Variants in FHOD3 observed in about 807,000 individuals in gnomAD.
The protein encoded by FHOD3 is FH1/FH2 domain-containing protein 3.
FHOD3 carries 90 observed loss-of-function variants against 173.0 expected under a neutral mutation model. The ratio of observed to expected loss-of-function variants is 0.52; its 90% CI spans 0.44 to 0.62. The LOEUF is 0.62. Ranked by LOEUF, FHOD3 falls within the 20% of genes least tolerant of loss-of-function variation. FHOD3 has a pLI of 0.00. For synonymous variants in FHOD3, 828 were observed against 823.0 expected (o/e 1.01, Z -0.10); for missense variants, 1,945 against 2,034.7 (o/e 0.96, Z 0.85).
At chr18:36,450,104 T>C (rs2051737384) in intron 3 of FHOD3, among the ~76,000 whole-genome samples, 1 of 152,186 alleles carries the variant, frequency 6.6e-6, no homozygotes, top group African/African-American at 2.4e-5. Context: ...CCAAAGTCCA[T>C]TGTATCATTC....
chr18:36,385,883 T>A (rs2048006918), intron 3 of FHOD3, among the ~76,000 whole-genome samples: 1 of 152,198 alleles, frequency 6.6e-6, no homozygotes, highest in South Asian at 2.1e-4. Context: ...AAGGGGCTGT[T>A]GGCATGGAGG....
intron 3 of FHOD3, among the ~76,000 whole-genome samples, chr18:36,483,919 G>A (rs967044889): frequency 2.6e-5 from 4 of 152,162 alleles, no homozygotes; most frequent in East Asian, 1.9e-4. Context: ...TACATGCCCC[G>A]AGGTCAGTGG....
At chr18:36,586,363 A>G (rs540145577) in intron 6 of FHOD3, among the ~76,000 whole-genome samples, 2 of 152,330 alleles carry the variant, frequency 1.3e-5, no homozygotes, top group East Asian at 3.9e-4. Context: ...AAAAGTACCC[A>G]ATCTTGTTGA....
intron 5 of FHOD3, among the ~76,000 whole-genome samples, chr18:36,541,269 AAAAG>A (rs1395081128): frequency 1.4e-4 from 20 of 146,740 alleles, no homozygotes; most frequent in Non-Finnish European, 1.7e-4. Context: ...AAAAAAAAAA[AAAAG>A]AAAGAAAAAA....
intron 5 of FHOD3, among the ~76,000 whole-genome samples, chr18:36,518,444 TC>T (rs1338188674): frequency 3.9e-5 from 6 of 152,162 alleles, no homozygotes; most frequent in African/African-American, 1.4e-4. Flanking sequence ...TGTCTTCAGC[TC>T]CAGGTGGGTT....
At chr18:36,355,053 A>T (rs1054566710) in intron 1 of FHOD3, among the ~76,000 whole-genome samples, 1 of 152,186 alleles carries the variant, frequency 6.6e-6, no homozygotes, top group Non-Finnish European at 1.5e-5. Context: ...TTGTAAAAAT[A>T]CTTTATTGAG....
At chr18:36,336,244 T>A (rs1458634623) in intron 1 of FHOD3, among the ~76,000 whole-genome samples, 2 of 152,204 alleles carry the variant, frequency 1.3e-5, no homozygotes, top group Non-Finnish European at 2.9e-5. Flanking sequence ...TCACCTTGAA[T>A]GCTGAACCGG....
rs2046328991 is a variant in FHOD3, at chr18:36,355,740, CT to C, written c.272+98del. On this transcript the variant is annotated intron_variant, in intron 2 of 28. Coordinates refer to ENST00000590592, the MANE Select transcript of FHOD3 (RefSeq NM_001281740.3). The stretch of plus-strand genomic sequence containing the variant: ...AAGTATTTAGGAGGAACTACCATGG[CT>C]TTGACCTTCTCTTAATTCTCAATCA... 5 of 953,258 alleles carry C rather than the reference CT, an allele frequency of 5.2e-6. No individual in the cohort carries two copies. In the South Asian group the frequency reaches 7.6e-5, roughly 14 times the overall value. The allele number at this position is 953,258 out of a possible 1,614,324, so 59.0% of individuals were successfully genotyped here.
intron 3 of FHOD3, among the ~76,000 whole-genome samples, chr18:36,444,109 C>T (rs1008458240): frequency 6.9e-6 from 1 of 144,084 alleles, no homozygotes; most frequent in Admixed American, 7.4e-5. Flanking sequence ...AGGAGAATGG[C>T]GTGAACCCGG....
intron 11 of FHOD3, among the ~76,000 whole-genome samples, chr18:36,651,915 C>T (rs2036080543): frequency 6.6e-6 from 1 of 152,184 alleles, no homozygotes; most frequent in African/African-American, 2.4e-5. Context: ...AGAATCAGGC[C>T]TGTCTGAAGG....
chr18:36,527,103 C>G (rs969901157), intron 5 of FHOD3, among the ~76,000 whole-genome samples: 3 of 152,150 alleles, frequency 2.0e-5, no homozygotes, highest in African/African-American at 7.2e-5. Context: ...GAACACTGGC[C>G]GGCTGGCTGT....
chr18:36,708,946 G>A (rs532250677), intron 17 of FHOD3, 149 bp from the exon 18 acceptor site: 720 of 952,114 alleles, frequency 7.6e-4, no homozygotes, highest in Non-Finnish European at 1.0e-3. Flanking sequence ...GCCTCGATGA[G>A]TGTTTGAATA....
At chr18:36,429,440 AT>A (rs2050415724) in intron 3 of FHOD3, among the ~76,000 whole-genome samples, 1 of 152,180 alleles carries the variant, frequency 6.6e-6, no homozygotes, top group Non-Finnish European at 1.5e-5. Flanking sequence ...GGGTGGGGGC[AT>A]GTGGGACTTT....
chr18:36,566,492 C>A (rs1177130748), intron 5 of FHOD3, among the ~76,000 whole-genome samples: 1 of 152,100 alleles, frequency 6.6e-6, no homozygotes, highest in East Asian at 1.9e-4. Context: ...ATGGTCTGGG[C>A]AGGAAGCTGA....
chr18:36,606,995 C>T lies in FHOD3; in HGVS notation c.813+4227C>T, dbSNP rs528175792. Among the ~76,000 whole-genome samples the T allele has an allele frequency of 2.0e-5, 3 of 152,350 alleles. No homozygotes were observed. In the South Asian group the frequency reaches 6.2e-4, roughly 32 times the overall value. ...ATCCCTATGGCTTTGCTGGGCTCAG[C>T]CCACGCTTCAGCTCTCCTGGGTTGG... On this transcript the variant is annotated intron_variant, in intron 8 of 28. Transcript: ENST00000590592.
intron 2 of FHOD3, among the ~76,000 whole-genome samples, chr18:36,361,423 C>T (rs929783353): frequency 3.9e-5 from 6 of 151,980 alleles, no homozygotes; most frequent in African/African-American, 1.5e-4. Flanking sequence ...TGGTGGCTCA[C>T]GCTTGTAATC....
At position 36,397,465 on chromosome 18, in the gene FHOD3, T is replaced by A. The variant is rs192792558; in HGVS notation, c.337+24721T>A. ...TTTGTTTTGCTTTCTGGTTGCTTTT[T>A]TAAAGGATGGGTTTTAGATACTAAA... On this transcript the variant is annotated intron_variant, in intron 3 of 28. Coordinates refer to ENST00000590592, the MANE Select transcript of FHOD3 (RefSeq NM_001281740.3). 5.3e-3 allele frequency among the ~76,000 whole-genome samples: 812 copies of A among 152,346 alleles called. 10 individuals carry two copies. Among genetic ancestry groups the A allele is most frequent in the African/African-American group, 0.018 (765 of 41,578 alleles).
At chr18:36,693,982 G>A (rs562670716) in intron 17 of FHOD3, among the ~76,000 whole-genome samples, 5 of 152,290 alleles carry the variant, frequency 3.3e-5, no homozygotes, top group Non-Finnish European at 7.4e-5. Context: ...AGACAGGCAA[G>A]CTCTCCTGGG....
intron 17 of FHOD3, among the ~76,000 whole-genome samples, chr18:36,705,413 G>A (rs963693028): frequency 5.9e-5 from 9 of 152,100 alleles, no homozygotes; most frequent in African/African-American, 9.7e-5. Context: ...AGAGACTTAC[G>A]TTCCAGGCCT....
Sources: allele counts gnomAD v4.1 joint callset (sites outside exome capture counted in the v4.1 genomes callset), GRCh38; gene constraint gnomAD v4.1.1; transcripts MANE v1.5; gene names NCBI Gene and HGNC (gene_info 2026-07-23, HGNC 2026-07-21).